SRPK2: variants seen among roughly 807,000 people sequenced by gnomAD.
SRPK2 encodes SFRS protein kinase 2.
A neutral mutation model predicts 90.8 loss-of-function variants in SRPK2; 21 were observed. The ratio of observed to expected loss-of-function variants is 0.23; its 90% CI spans 0.16 to 0.33. The LOEUF (loss-of-function observed/expected upper bound fraction) is 0.33, where lower values mean the gene tolerates loss of function less well. Among genes scored for constraint, SRPK2 ranks in the 10% least tolerant of loss-of-function variants. The probability of loss-of-function intolerance (pLI) is 1.00; values close to 1 mark genes in which losing one functional copy is unlikely to be tolerated. For synonymous variants in SRPK2, 288 were observed against 311.1 expected (o/e 0.93, Z 0.78); for missense variants, 620 against 869.0 (o/e 0.71, Z 3.60).
chr7:105,383,757 A>C (rs1821226708), intron 2 of SRPK2, among the ~76,000 whole-genome samples: 1 of 152,208 alleles, frequency 6.6e-6, no homozygotes, highest in Non-Finnish European at 1.5e-5. Flanking sequence ...ATAAATGGAT[A>C]AAATGTGGCA....
intron 3 of SRPK2, among the ~76,000 whole-genome samples, chr7:105,172,371 A>T (rs750154619): frequency 4.6e-5 from 7 of 152,218 alleles, no homozygotes; most frequent in Non-Finnish European, 1.0e-4. Flanking sequence ...AGTAGGAAGG[A>T]AGAAGGGAGA....
intron 2 of SRPK2, among the ~76,000 whole-genome samples, chr7:105,360,855 C>G (rs918208999): frequency 1.3e-5 from 2 of 152,056 alleles, no homozygotes; most frequent in Non-Finnish European, 1.5e-5. Flanking sequence ...TTATGACAAA[C>G]CCACAGCCAA....
At position 105,388,671 on chromosome 7, in the gene SRPK2, C is replaced by T. The variant is rs1353849862; in HGVS notation, c.48G>A (p.Pro16=). Residue 16 remains proline (P), a synonymous_variant, in exon 2 of 16, where the codon CCG becomes CCA. Transcript: ENST00000393651. The stretch of plus-strand genomic sequence containing the variant: ...ACTTTTTCGGATGTTTCTCTCTTTT[C>T]GGCCTCCGCTTTCGGGCCTGAATGG... The part of the protein sequence containing the change: ...VLAIQARKRR[P]KREKHPKKPE... 4 of 1,588,792 alleles carry T rather than the reference C, an allele frequency of 2.5e-6. No individual in the cohort carries two copies. Among genetic ancestry groups the T allele is most frequent in the East Asian group, 2.3e-5 (1 of 42,812 alleles).
At chr7:105,140,067 G>C (rs753872219) in intron 11 of SRPK2, among the ~76,000 whole-genome samples, 1 of 152,040 alleles carries the variant, frequency 6.6e-6, no homozygotes, top group Non-Finnish European at 1.5e-5. Flanking sequence ...CTGCTACAAT[G>C]TAAATGGTAT....
chr7:105,126,949 G>A (rs752419953), intron 14 of SRPK2, 44 bp downstream of exon 14: 5 of 1,588,750 alleles, frequency 3.1e-6, no homozygotes, highest in East Asian at 2.2e-5. Flanking sequence ...TTCAGGGCTG[G>A]CAGAAGACCT....
At chr7:105,397,768 C>T (rs1171702963) in intron 1 of SRPK2, among the ~76,000 whole-genome samples, 2 of 151,992 alleles carry the variant, frequency 1.3e-5, no homozygotes, top group African/African-American at 2.4e-5. Context: ...CTCAGCCTTC[C>T]GAGTAGCTGG....
chr7:105,245,768 T>C (rs751907022), intron 2 of SRPK2, among the ~76,000 whole-genome samples: 1 of 152,098 alleles, frequency 6.6e-6, no homozygotes, highest in Non-Finnish European at 1.5e-5. Flanking sequence ...AGTGCGGTGG[T>C]TATTCACAGG....
intron 2 of SRPK2, among the ~76,000 whole-genome samples, chr7:105,343,999 G>C (rs1477344734): frequency 1.3e-5 from 2 of 152,072 alleles, no homozygotes; most frequent in African/African-American, 4.8e-5. Context: ...CCTGACCTCA[G>C]GTGATCCACC....
intron 6 of SRPK2, among the ~76,000 whole-genome samples, chr7:105,165,546 C>G (rs1789933080): frequency 6.6e-6 from 1 of 152,134 alleles, no homozygotes; most frequent in Admixed American, 6.5e-5. Context: ...ATGCACCAAT[C>G]AGCACTCTGT....
At chr7:105,372,136 T>TAAAAAA (rs55928342) in intron 2 of SRPK2, among the ~76,000 whole-genome samples, 1 of 76,772 alleles carries the variant, frequency 1.3e-5, no homozygotes, top group African/African-American at 5.2e-5. Flanking sequence ...CTCCAACTCA[T>TAAAAAA]AAAAAAAAAA....
In SRPK2 at chr7:105,364,702, G is replaced by C. The variant is rs147400132; in HGVS notation, c.71+23946C>G. ...CAGGGGAGAGCCACCGCGCCTGGCC[G>C]AGTCTTAAAGGTCCTTAAGGCTCCC... On this transcript the variant is annotated intron_variant, in intron 2 of 15. Coordinates refer to ENST00000393651, the MANE Select transcript of SRPK2 (RefSeq NM_182692.3). Among the ~76,000 whole-genome samples, 104 of 151,988 alleles carry C rather than the reference G, an allele frequency of 6.8e-4. 2 individuals carry two copies. In the East Asian group the frequency reaches 0.018, roughly 26 times the overall value.
At chr7:105,252,755 T>A (rs1412719859) in intron 2 of SRPK2, among the ~76,000 whole-genome samples, 3 of 151,420 alleles carry the variant, frequency 2.0e-5, no homozygotes, top group African/African-American at 7.3e-5. Context: ...TTCTTTTTTT[T>A]TTTTTGAGAC....
chr7:105,176,098 C>A (rs1791806866), intron 3 of SRPK2, among the ~76,000 whole-genome samples: 1 of 152,112 alleles, frequency 6.6e-6, no homozygotes, highest in African/African-American at 2.4e-5. Flanking sequence ...CAAATCAAAT[C>A]AAATAATATA....
chr7:105,199,915 A>T (rs962295162), intron 3 of SRPK2, among the ~76,000 whole-genome samples: 8 of 130,632 alleles, frequency 6.1e-5, no homozygotes, highest in Admixed American at 5.4e-4. Context: ...AAAAAAAAAA[A>T]GCAGGATTCT....
At chr7:105,389,228 C>G, upstream of SRPK2, 1 of 1,228,262 alleles carries the variant, frequency 8.1e-7, no homozygotes, top group Non-Finnish European at 1.0e-6. Flanking sequence ...CCCGCCGCGG[C>G]CTCTCCCCTC....
At chr7:105,224,242 T>G (rs1369319129) in intron 2 of SRPK2, among the ~76,000 whole-genome samples, 3 of 152,346 alleles carry the variant, frequency 2.0e-5, no homozygotes, top group African/African-American at 4.8e-5. Flanking sequence ...TTTGTAATTT[T>G]TTTCATAAAG....
chr7:105,280,577 A>G (rs1343553374), intron 2 of SRPK2, among the ~76,000 whole-genome samples: 3 of 151,390 alleles, frequency 2.0e-5, no homozygotes, highest in Admixed American at 2.0e-4. Context: ...TCTCAAAAAC[A>G]AACTTCATTA....
chr7:105,186,593 G>A (rs1192214900), intron 3 of SRPK2, among the ~76,000 whole-genome samples: 1 of 152,132 alleles, frequency 6.6e-6, no homozygotes, highest in East Asian at 1.9e-4. Context: ...CTTCAACAAA[G>A]GCCGAAACAG....
chr7:105,298,858 CTTT>C, intron 2 of SRPK2: 2 of 929,506 alleles, frequency 2.2e-6, no homozygotes, highest in Non-Finnish European at 2.6e-6. Context: ...TGACAGCAGT[CTTT>C]CCAGGGAGAC....
Sources: allele counts gnomAD v4.1 joint callset (sites outside exome capture counted in the v4.1 genomes callset), GRCh38; gene constraint gnomAD v4.1.1; transcripts MANE v1.5; gene names NCBI Gene and HGNC (gene_info 2026-07-23, HGNC 2026-07-21).